ANKRD44: variants seen among roughly 807,000 people sequenced by gnomAD.
The protein encoded by ANKRD44 is serine/threonine-protein phosphatase 6 regulatory ankyrin repeat subunit B.
ANKRD44 carries 35 observed loss-of-function variants against 116.0 expected under a neutral mutation model. That is an observed-to-expected ratio of 0.30 (90% CI 0.23 to 0.40). The LOEUF is 0.40. ANKRD44 is among the 10% of genes least tolerant of loss of function. The probability of loss-of-function intolerance (pLI) is 1.00; values close to 1 mark genes in which losing one functional copy is unlikely to be tolerated. For missense variants in ANKRD44, 1,014 were observed against 1,242.6 expected (o/e 0.82, Z 2.77); for synonymous variants, 435 against 461.8 (o/e 0.94, Z 0.74).
intron 20 of ANKRD44, 41 bp from the exon 21 acceptor site, chr2:197,005,951 G>T (rs1363078890): frequency 1.3e-5 from 20 of 1,596,160 alleles, no homozygotes; most frequent in Non-Finnish European, 1.5e-5. Flanking sequence ...AACCTCAGAA[G>T]ACTAAGGAAG....
chr2:197,195,508 C>T (rs140436610), intron 1 of ANKRD44, among the ~76,000 whole-genome samples: 238 of 152,158 alleles, frequency 1.6e-3, no homozygotes, highest in African/African-American at 5.3e-3. Flanking sequence ...TACAGGGATA[C>T]GGTGAAAACA....
At chr2:197,056,445 T>C (rs2077205368) in intron 16 of ANKRD44, among the ~76,000 whole-genome samples, 1 of 152,176 alleles carries the variant, frequency 6.6e-6, no homozygotes, top group Admixed American at 6.5e-5. Context: ...GGTAAGGGCA[T>C]TTAATACTTT....
At chr2:197,296,520 A>G in intron 1 of ANKRD44, 1 of 152,142 alleles carries the variant, frequency 6.6e-6, no homozygotes, top group East Asian at 1.9e-4. Flanking sequence ...CATCTCCAAC[A>G]CTCACCTAAG....
chr2:197,232,973 T>C (rs1250060469), intron 1 of ANKRD44, among the ~76,000 whole-genome samples: 1 of 152,234 alleles, frequency 6.6e-6, no homozygotes, highest in Non-Finnish European at 1.5e-5. Context: ...TTTAGGCCTA[T>C]AGTTCTCTCA....
At chr2:197,090,591 A>T (rs1163856967) in intron 10 of ANKRD44, among the ~76,000 whole-genome samples, 1 of 150,308 alleles carries the variant, frequency 6.7e-6, no homozygotes, top group African/African-American at 2.5e-5. Flanking sequence ...GAGAAATTCT[A>T]GGCAGAAAAG....
chr2:197,186,612 CTTTTTTTTTT>C (rs149107038), intron 2 of ANKRD44, among the ~76,000 whole-genome samples: 18 of 50,806 alleles, frequency 3.5e-4, no homozygotes, highest in Non-Finnish European at 6.6e-4. Context: ...GCTAATTTTT[CTTTTTTTTTT>C]TTTTTTTTTT....
intron 16 of ANKRD44, among the ~76,000 whole-genome samples, chr2:197,063,037 C>A (rs1679830657): frequency 6.6e-6 from 1 of 151,148 alleles, no homozygotes; most frequent in South Asian, 2.1e-4. Flanking sequence ...GGGTCCCTGA[C>A]CCCCGAGTAG....
At chr2:197,105,516 A>C (rs1189086747) in intron 9 of ANKRD44, among the ~76,000 whole-genome samples, 1 of 152,234 alleles carries the variant, frequency 6.6e-6, no homozygotes, top group East Asian at 1.9e-4. Context: ...AAAATCCAGA[A>C]GTGTCACCAA....
chr2:197,291,327 T>C (rs939626715), intron 1 of ANKRD44, among the ~76,000 whole-genome samples: 5 of 151,390 alleles, frequency 3.3e-5, no homozygotes, highest in Non-Finnish European at 5.9e-5. Context: ...CTGGCCAACA[T>C]GGTGAAATCC....
At chr2:197,044,925 A>C (rs2076975401) in intron 16 of ANKRD44, among the ~76,000 whole-genome samples, 1 of 152,330 alleles carries the variant, frequency 6.6e-6, no homozygotes, top group Non-Finnish European at 1.5e-5. Flanking sequence ...GCTTTGAAAA[A>C]AGTTTCCAAG....
intron 1 of ANKRD44, among the ~76,000 whole-genome samples, chr2:197,281,340 C>T (rs2083258890): frequency 6.6e-6 from 1 of 152,132 alleles, no homozygotes; most frequent in East Asian, 1.9e-4. Flanking sequence ...ATCCTCCATC[C>T]CCCACCCCCC....
chr2:197,094,989 G>A (rs1329782120), intron 10 of ANKRD44, among the ~76,000 whole-genome samples: 1 of 152,174 alleles, frequency 6.6e-6, no homozygotes, highest in East Asian at 1.9e-4. Flanking sequence ...GCCAGGCTCT[G>A]TCCTGCCCCC....
At chr2:197,130,178 G>T (rs1285817275) in intron 4 of ANKRD44, among the ~76,000 whole-genome samples, 2 of 152,138 alleles carry the variant, frequency 1.3e-5, no homozygotes, top group African/African-American at 4.8e-5. Context: ...TGTAAGAATT[G>T]TATAAATTGA....
chr2:197,244,996 C>T (rs1288467799), intron 1 of ANKRD44, among the ~76,000 whole-genome samples: 3 of 151,998 alleles, frequency 2.0e-5, no homozygotes, highest in African/African-American at 2.4e-5. Context: ...TAATAAAGGC[C>T]GGGTGTGGTA....
intron 1 of ANKRD44, among the ~76,000 whole-genome samples, chr2:197,267,925 A>C (rs562616051): frequency 4.3e-4 from 66 of 152,368 alleles, no homozygotes; most frequent in Admixed American, 2.5e-3. Flanking sequence ...CCAGTCTCCC[A>C]ACAAGGGACA....
chr2:197,126,998 A>G (rs1348850138), intron 4 of ANKRD44, among the ~76,000 whole-genome samples: 2 of 152,138 alleles, frequency 1.3e-5, no homozygotes, highest in Non-Finnish European at 2.9e-5. Flanking sequence ...AAAAAAAAAA[A>G]TACAGTAGTT....
In ANKRD44 at chr2:196,994,209, G is replaced by A. The variant is rs567881658; in HGVS notation, c.2832-535C>T. Among the ~76,000 whole-genome samples, 4 of 152,110 alleles carry A rather than the reference G, an allele frequency of 2.6e-5. No homozygotes were observed. The South Asian group carries it at 8.3e-4, about 32-fold the overall frequency. Reference sequence around the variant, plus strand: ...TCTTTTTCTTTTTTTTTGAGACAGGGTCTCACTCTGTCACCCAGGCTGGAG... The same window carrying A: ...TCTTTTTCTTTTTTTTTGAGACAGGATCTCACTCTGTCACCCAGGCTGGAG... On this transcript the variant is annotated intron_variant, in intron 26 of 27. Coordinates refer to ENST00000282272, the MANE Select transcript of ANKRD44 (RefSeq NM_001195144.2).
intron 2 of ANKRD44, among the ~76,000 whole-genome samples, chr2:197,180,107 G>A (rs1024945743): frequency 3.5e-5 from 5 of 144,536 alleles, no homozygotes; most frequent in African/African-American, 5.2e-5. Flanking sequence ...CAGTGTCAAC[G>A]TTTAAAGTGC....
chr2:196,999,687 G>A (rs2076079380), intron 23 of ANKRD44, among the ~76,000 whole-genome samples: 1 of 151,900 alleles, frequency 6.6e-6, no homozygotes, highest in Admixed American at 6.6e-5. Context: ...TCTGCCTCAT[G>A]GGTTCACGCC....
Sources: gnomAD v4.1 joint callset for allele counts (sites outside exome capture counted in the v4.1 genomes callset) on GRCh38, gnomAD v4.1.1 for gene constraint, MANE v1.5 for transcripts, NCBI Gene and HGNC (gene_info 2026-07-23, HGNC 2026-07-21) for gene names.